The following MAST4 variants were observed in gnomAD, a reference collection of about 807,000 sequenced individuals.
The protein encoded by MAST4 is microtubule associated serine/threonine kinase family member 4, also known as microtubule-associated serine/threonine-protein kinase 4.
MAST4 carries 89 observed loss-of-function variants against 162.7 expected under a neutral mutation model. The ratio of observed to expected loss-of-function variants is 0.55; its 90% CI spans 0.46 to 0.65. The LOEUF (loss-of-function observed/expected upper bound fraction) is 0.65. Among genes scored for constraint, MAST4 ranks in the 30% least tolerant of loss-of-function variants. The pLI, the probability that MAST4 is intolerant of heterozygous loss-of-function variation, is 0.00. For missense variants in MAST4, 3,153 were observed against 3,374.0 expected (o/e 0.93, Z 1.62); for synonymous variants, 1,479 against 1,361.1 (o/e 1.09, Z -1.91).
chr5:66,648,169 A>T (rs528663621), intron 1 of MAST4, among the ~76,000 whole-genome samples: 6 of 149,454 alleles, frequency 4.0e-5, no homozygotes, highest in South Asian at 2.1e-4. Context: ...ATAATATATA[A>T]AAAAAAATCA....
intron 1 of MAST4, among the ~76,000 whole-genome samples, chr5:66,667,660 A>G (rs933924183): frequency 6.6e-6 from 1 of 152,222 alleles, no homozygotes; most frequent in African/African-American, 2.4e-5. Flanking sequence ...ACTTATGGTC[A>G]GTGAATTTTA....
chr5:66,789,351 T>G (rs1198778559), intron 3 of MAST4, among the ~76,000 whole-genome samples: 2 of 152,200 alleles, frequency 1.3e-5, no homozygotes, highest in East Asian at 3.9e-4. Context: ...TATTTCAGTT[T>G]TATCGATTGA....
intron 1 of MAST4, among the ~76,000 whole-genome samples, chr5:66,690,319 T>C (rs1748958874): frequency 6.6e-6 from 1 of 152,186 alleles, no homozygotes; most frequent in Non-Finnish European, 1.5e-5. Flanking sequence ...TTAGTAAGTA[T>C]TGTAGGATTC....
chr5:66,847,279 A>G (rs1481257456), intron 3 of MAST4, among the ~76,000 whole-genome samples: 1 of 152,194 alleles, frequency 6.6e-6, no homozygotes, highest in East Asian at 1.9e-4. Context: ...TTTCTGTCCC[A>G]TTACTGGGAC....
chr5:66,629,010 G>A (rs1318041487), intron 1 of MAST4, among the ~76,000 whole-genome samples: 2 of 152,138 alleles, frequency 1.3e-5, no homozygotes, highest in Admixed American at 6.5e-5. Flanking sequence ...CCCAAACAAT[G>A]TTATCATTTT....
At chr5:67,082,720 G>A (rs1356820394) in intron 5 of MAST4, among the ~76,000 whole-genome samples, 3 of 151,990 alleles carry the variant, frequency 2.0e-5, no homozygotes, top group Non-Finnish European at 4.4e-5. Flanking sequence ...TTGGTCATAT[G>A]GCATATATAC....
intron 4 of MAST4, among the ~76,000 whole-genome samples, chr5:66,947,274 A>G (rs991303706): frequency 2.0e-5 from 3 of 152,120 alleles, no homozygotes; most frequent in African/African-American, 7.2e-5. Context: ...GGTTTGGACC[A>G]GACCTGAGTT....
intron 3 of MAST4, among the ~76,000 whole-genome samples, chr5:66,817,143 G>T (rs972045804): frequency 2.6e-5 from 4 of 152,074 alleles, no homozygotes; most frequent in Non-Finnish European, 4.4e-5. Flanking sequence ...CTGCATTCTG[G>T]TGGGACTGAG....
intron 1 of MAST4, among the ~76,000 whole-genome samples, chr5:66,725,433 G>C (rs1472131299): frequency 6.6e-6 from 1 of 152,116 alleles, no homozygotes; most frequent in Non-Finnish European, 1.5e-5. Context: ...TGGTTCACTT[G>C]CTTCAGCTGC....
At chr5:67,071,657 G>A (rs1761012055) in intron 5 of MAST4, among the ~76,000 whole-genome samples, 1 of 152,220 alleles carries the variant, frequency 6.6e-6, no homozygotes, top group South Asian at 2.1e-4. Flanking sequence ...CTACCCAGGA[G>A]ACTGAGGCAG....
intron 1 of MAST4, among the ~76,000 whole-genome samples, chr5:66,748,397 C>G (rs1752900947): frequency 6.7e-6 from 1 of 149,348 alleles, no homozygotes; most frequent in Non-Finnish European, 1.5e-5. Context: ...TCCTTCTTTC[C>G]TTCCTTCTTT....
At chr5:67,041,618 C>G (rs1327678107) in intron 4 of MAST4, among the ~76,000 whole-genome samples, 1 of 152,160 alleles carries the variant, frequency 6.6e-6, no homozygotes, top group Admixed American at 6.6e-5. Flanking sequence ...ACATAGCCCT[C>G]TGTGGTCATT....
chr5:67,158,750 A>G (rs1281572887), intron 26 of MAST4, among the ~76,000 whole-genome samples: 1 of 152,188 alleles, frequency 6.6e-6, no homozygotes, highest in African/African-American at 2.4e-5. Flanking sequence ...ACAGAAAATA[A>G]TCAGCTGGGC....
chr5:66,668,495 A>G (rs1327115033), intron 1 of MAST4, among the ~76,000 whole-genome samples: 1 of 152,174 alleles, frequency 6.6e-6, no homozygotes, highest in East Asian at 1.9e-4. Flanking sequence ...TGGGTTGTGG[A>G]GAGATGCTGA....
intron 5 of MAST4, among the ~76,000 whole-genome samples, chr5:67,087,652 T>C (rs1324342898): frequency 6.6e-6 from 1 of 152,234 alleles, no homozygotes; most frequent in African/African-American, 2.4e-5. Flanking sequence ...AATTATCAGT[T>C]GCTCTAGCCC....
intron 1 of MAST4, among the ~76,000 whole-genome samples, chr5:66,729,818 A>G (rs1025833616): frequency 3.3e-5 from 5 of 152,234 alleles, no homozygotes; most frequent in Admixed American, 1.3e-4. Context: ...AATAGGTAAC[A>G]GAACTTATTT....
chr5:67,122,295 G>A (rs554245795), intron 14 of MAST4, among the ~76,000 whole-genome samples: 2 of 152,274 alleles, frequency 1.3e-5, no homozygotes, highest in African/African-American at 4.8e-5. Context: ...CACAAGGGAT[G>A]TTTCTGTTAC....
chr5:67,131,641 A>G (rs767679726), intron 15 of MAST4, among the ~76,000 whole-genome samples, 172 bp from the exon 16 acceptor site: 3 of 152,198 alleles, frequency 2.0e-5, no homozygotes, highest in Non-Finnish European at 2.9e-5. Flanking sequence ...TATTTTCTCC[A>G]TACTGTTTCT....
At chr5:66,788,187 G>GGA (rs1430888602) in intron 2 of MAST4, among the ~76,000 whole-genome samples, 1 of 152,148 alleles carries the variant, frequency 6.6e-6, no homozygotes, top group Admixed American at 6.5e-5. Context: ...AGGAGCTGGG[G>GGA]GAGAGGCACC....
Sources: allele counts gnomAD v4.1 joint callset (sites outside exome capture counted in the v4.1 genomes callset), GRCh38; gene constraint gnomAD v4.1.1; transcripts MANE v1.5; gene names NCBI Gene and HGNC (gene_info 2026-07-23, HGNC 2026-07-21).